The following EPHA6 variants were observed in gnomAD, a reference collection of about 807,000 sequenced individuals.
EPHA6 encodes ephrin type-A receptor 6.
Under a neutral mutation model 112.0 loss-of-function variants are expected in EPHA6, and 50 were observed. The observed-to-expected ratio is 0.45, with a 90% CI of 0.36 to 0.56. The LOEUF (loss-of-function observed/expected upper bound fraction) is 0.56, where lower values mean the gene tolerates loss of function less well. Ranked by LOEUF, EPHA6 falls within the 20% of genes least tolerant of loss-of-function variation. The pLI, the probability that EPHA6 is intolerant of heterozygous loss-of-function variation, is 0.00. For synonymous variants in EPHA6, 529 were observed against 490.7 expected (o/e 1.08, Z -1.03); for missense variants, 1,280 against 1,417.4 (o/e 0.90, Z 1.56).
In EPHA6 at chr3:96,878,506, A is replaced by T. The variant is rs115110000; in HGVS notation, c.450+11617A>T. On this transcript the variant is annotated intron_variant, in intron 2 of 17. Coordinates refer to ENST00000389672, the MANE Select transcript of EPHA6 (RefSeq NM_001080448.3). ...ATTAACATTTTGAAAAGATTACTGT[A>T]ATTGAATGCAGATAGAATAGTTAGA... is the stretch of plus-strand genomic sequence containing the variant. 9.4e-3 allele frequency among the ~76,000 whole-genome samples: 1,427 copies of T among 152,156 alleles called. 16 individuals carry two copies. Among genetic ancestry groups the T allele is most frequent in the African/African-American group, 0.033 (1,369 of 41,532 alleles).
At chr3:97,337,642 G>A (rs1020649077) in intron 5 of EPHA6, among the ~76,000 whole-genome samples, 4 of 152,024 alleles carry the variant, frequency 2.6e-5, no homozygotes, top group African/African-American at 9.7e-5. Context: ...CCCACTTATG[G>A]TAGCAAGGAG....
intron 11 of EPHA6, among the ~76,000 whole-genome samples, chr3:97,544,012 G>A (rs951499394): frequency 1.3e-5 from 2 of 152,038 alleles, no homozygotes; most frequent in Admixed American, 6.6e-5. Flanking sequence ...GGGGTTTTCT[G>A]GATATACAAT....
At chr3:96,896,689 C>T (rs1027314897) in intron 2 of EPHA6, among the ~76,000 whole-genome samples, 5 of 152,118 alleles carry the variant, frequency 3.3e-5, no homozygotes, top group African/African-American at 9.7e-5. Context: ...TACATTTTAT[C>T]ATTTTCCTAT....
chr3:97,200,673 A>G (rs917554579), intron 3 of EPHA6, among the ~76,000 whole-genome samples: 1 of 152,064 alleles, frequency 6.6e-6, no homozygotes, highest in South Asian at 2.1e-4. Context: ...CTCTCATTCA[A>G]TTTAATTCAA....
At chr3:97,461,993 C>T (rs908236918) in intron 7 of EPHA6, among the ~76,000 whole-genome samples, 1 of 152,156 alleles carries the variant, frequency 6.6e-6, no homozygotes, top group Non-Finnish European at 1.5e-5. Context: ...AGAAGTTGGC[C>T]TACTTTTCTT....
intron 3 of EPHA6, among the ~76,000 whole-genome samples, chr3:97,012,607 G>GTGTGTGTGTATA (rs368002096): frequency 3.0e-5 from 4 of 132,114 alleles, no homozygotes; most frequent in African/African-American, 1.3e-4. Flanking sequence ...GTGTGTGTGT[G>GTGTGTGTGTATA]TATATATATA....
intron 5 of EPHA6, among the ~76,000 whole-genome samples, chr3:97,365,182 T>C (rs1426338638): frequency 6.6e-6 from 1 of 152,196 alleles, no homozygotes; most frequent in Admixed American, 6.5e-5. Flanking sequence ...ATCATAATCA[T>C]ATTCATTTAG....
In EPHA6 at chr3:97,092,286, G is replaced by A. The variant is rs190351367; in HGVS notation, c.1114+104293G>A. On this transcript the variant is annotated intron_variant, in intron 3 of 17. Transcript: ENST00000389672. ...GCACCTGTCATTGTGCTGAGCAATG[G>A]GGATATCATAGAGAAGGTTGGAACG... 1.5e-3 allele frequency among the ~76,000 whole-genome samples: 228 copies of A among 151,934 alleles called. 1 individual carries two copies. Among genetic ancestry groups the A allele is most frequent in the African/African-American group, 5.1e-3 (212 of 41,442 alleles).
rs143294504 is a variant in EPHA6 at position 97,284,015 on chromosome 3, T to G, written c.1606+39728T>G. Among the ~76,000 whole-genome samples, 116 of 152,282 alleles carry G rather than the reference T, an allele frequency of 7.6e-4. 1 individual carries two copies. Among genetic ancestry groups the G allele is most frequent in the African/African-American group, 2.6e-3 (107 of 41,582 alleles). ...TATTTTCTAGTGCTTAAAATAAAGT[T>G]TTTTCACAAATTCTGCTGTGCACAT... On this transcript the variant is annotated intron_variant, in intron 5 of 17. Coordinates refer to ENST00000389672, the MANE Select transcript of EPHA6 (RefSeq NM_001080448.3).
intron 5 of EPHA6, among the ~76,000 whole-genome samples, chr3:97,303,836 A>C (rs2081197358): frequency 6.6e-6 from 1 of 152,044 alleles, no homozygotes; most frequent in African/African-American, 2.4e-5. Flanking sequence ...CAGAAAATAT[A>C]AGACCACTTT....
chr3:97,512,490 G>T (rs556772029), intron 10 of EPHA6, among the ~76,000 whole-genome samples: 1 of 152,052 alleles, frequency 6.6e-6, no homozygotes, highest in East Asian at 1.9e-4. Flanking sequence ...AAAGCATTTT[G>T]AACAGTACAT....
chr3:97,328,080 A>ATATATGG (rs2082572857), intron 5 of EPHA6, among the ~76,000 whole-genome samples: 1 of 71,426 alleles, frequency 1.4e-5, no homozygotes, highest in African/African-American at 8.3e-5. Context: ...TATATATATA[A>ATATATGG]CCTGTTTTGT....
chr3:97,533,804 C>T (rs1334446888), intron 11 of EPHA6, among the ~76,000 whole-genome samples: 1 of 152,074 alleles, frequency 6.6e-6, no homozygotes, highest in South Asian at 2.1e-4. Flanking sequence ...TGAGGTGATT[C>T]AGCCAATATC....
At chr3:96,841,593 G>T (rs1350842687) in intron 1 of EPHA6, among the ~76,000 whole-genome samples, 1 of 151,992 alleles carries the variant, frequency 6.6e-6, no homozygotes, top group Non-Finnish European at 1.5e-5. Flanking sequence ...CTCCCATGAT[G>T]ACCAGCAGCA....
At chr3:97,551,607 T>C (rs761081480) in intron 11 of EPHA6, among the ~76,000 whole-genome samples, 11 of 152,160 alleles carry the variant, frequency 7.2e-5, no homozygotes, top group Non-Finnish European at 1.6e-4. Context: ...CCATATATTA[T>C]ATATAACATG....
chr3:97,551,053 GC>G (rs2093022311), intron 11 of EPHA6, among the ~76,000 whole-genome samples: 1 of 152,050 alleles, frequency 6.6e-6, no homozygotes, highest in South Asian at 2.1e-4. Flanking sequence ...CTATACTTTT[GC>G]AATTTCTCCT....
chr3:97,203,308 A>G (rs537239526), intron 3 of EPHA6, among the ~76,000 whole-genome samples: 48 of 152,222 alleles, frequency 3.2e-4, no homozygotes, highest in Non-Finnish European at 6.0e-4. Flanking sequence ...TTAGCAGTGG[A>G]GATGGAGATA....
At chr3:97,108,803 GTTA>G (rs538801343) in intron 3 of EPHA6, among the ~76,000 whole-genome samples, 140 of 152,230 alleles carry the variant, frequency 9.2e-4, no homozygotes, top group Non-Finnish European at 1.7e-3. Flanking sequence ...AATACTTCCA[GTTA>G]TTATTGAGAA....
intron 5 of EPHA6, among the ~76,000 whole-genome samples, chr3:97,291,202 T>A (rs1021021384): frequency 6.6e-6 from 1 of 152,246 alleles, no homozygotes; most frequent in African/African-American, 2.4e-5. Flanking sequence ...TCTCTTGTTA[T>A]TGATTTCTAG....
Sources: allele counts gnomAD v4.1 joint callset (sites outside exome capture counted in the v4.1 genomes callset), GRCh38; gene constraint gnomAD v4.1.1; transcripts MANE v1.5; gene names NCBI Gene and HGNC (gene_info 2026-07-23, HGNC 2026-07-21).